Variants in CDH12 observed in about 807,000 individuals in gnomAD.
The protein encoded by CDH12 is cadherin-12.
CDH12 carries 41 observed loss-of-function variants against 74.1 expected under a neutral mutation model. The ratio of observed to expected loss-of-function variants is 0.55; its 90% CI spans 0.43 to 0.72. CDH12 has a LOEUF of 0.72. Among genes scored for constraint, CDH12 ranks in the 30% least tolerant of loss-of-function variants. The pLI is 0.00. For synonymous variants in CDH12, 399 were observed against 355.0 expected (o/e 1.12, Z -1.39); for missense variants, 945 against 977.2 (o/e 0.97, Z 0.44).
chr5:22,315,005 G>C (rs1738560461), intron 3 of CDH12, among the ~76,000 whole-genome samples: 1 of 114,756 alleles, frequency 8.7e-6, no homozygotes, highest in Non-Finnish European at 1.7e-5. Context: ...CCAGGCTGGA[G>C]TGCAGTGGCG....
At chr5:22,465,596 C>G (rs112358907) in intron 2 of CDH12, among the ~76,000 whole-genome samples, 1 of 152,084 alleles carries the variant, frequency 6.6e-6, no homozygotes, top group African/African-American at 2.4e-5. Context: ...CAGTGAGCCA[C>G]GATCATGCCA....
intron 2 of CDH12, among the ~76,000 whole-genome samples, chr5:22,437,708 T>C (rs1331992382): frequency 1.3e-5 from 2 of 151,696 alleles, no homozygotes; most frequent in Non-Finnish European, 2.9e-5. Flanking sequence ...TGCTAAGGAC[T>C]CTCACAATCA....
intron 12 of CDH12, among the ~76,000 whole-genome samples, chr5:21,762,719 T>C (rs1193753292): frequency 2.6e-5 from 4 of 152,122 alleles, no homozygotes; most frequent in African/African-American, 9.7e-5. Context: ...CTAATTTCCT[T>C]TTCTCAACTC....
intron 4 of CDH12, among the ~76,000 whole-genome samples, chr5:22,209,389 A>G (rs1052944011): frequency 3.3e-5 from 5 of 152,344 alleles, no homozygotes; most frequent in South Asian, 4.1e-4. Context: ...CCAACATTCA[A>G]TTCCAACAGT....
intron 6 of CDH12, among the ~76,000 whole-genome samples, chr5:21,887,856 T>C (rs1212707953): frequency 6.6e-6 from 1 of 152,058 alleles, no homozygotes. Flanking sequence ...GGAATTCAAA[T>C]ACTTTTGAGC....
At chr5:22,247,071 A>G (rs1752971748) in intron 3 of CDH12, among the ~76,000 whole-genome samples, 1 of 152,200 alleles carries the variant, frequency 6.6e-6, no homozygotes, top group South Asian at 2.1e-4. Flanking sequence ...TGGATTACTC[A>G]CACTTAGGTA....
At position 21,879,135 on chromosome 5, in the gene CDH12, T is replaced by C. The variant is rs144328820; in HGVS notation, c.527-24345A>G. ...CAAGAGTGGCTGGTATGATTTGCAT[T>C]TGAAGGAGTTACAGTATAGTAATCA... On this transcript the variant is annotated intron_variant, in intron 6 of 14. Coordinates refer to ENST00000382254, the MANE Select transcript of CDH12 (RefSeq NM_004061.5). 1.3e-4 allele frequency among the ~76,000 whole-genome samples: 20 copies of C among 152,324 alleles called. No homozygotes were observed. The East Asian group carries it at 3.9e-3, about 29-fold the overall frequency.
chr5:22,605,554 C>A (rs2126818546), intron 1 of CDH12, among the ~76,000 whole-genome samples: 1 of 152,308 alleles, frequency 6.6e-6, no homozygotes, highest in Admixed American at 6.5e-5. Context: ...GAAGGTTGGG[C>A]TAATCCCAAG....
chr5:22,197,906 G>C (rs1750713802), intron 4 of CDH12, among the ~76,000 whole-genome samples: 1 of 151,968 alleles, frequency 6.6e-6, no homozygotes, highest in Admixed American at 6.6e-5. Flanking sequence ...TCTTATGTAT[G>C]AGTGTGAAAT....
At chr5:22,270,318 G>A (rs1736337100) in intron 3 of CDH12, among the ~76,000 whole-genome samples, 1 of 152,038 alleles carries the variant, frequency 6.6e-6, no homozygotes, top group Non-Finnish European at 1.5e-5. Flanking sequence ...TATTTTGGCT[G>A]GACACAGTGG....
At chr5:21,949,360 G>A (rs1755725905) in intron 6 of CDH12, among the ~76,000 whole-genome samples, 1 of 150,230 alleles carries the variant, frequency 6.7e-6, no homozygotes, top group Admixed American at 6.7e-5. Flanking sequence ...TGAGGCAGGA[G>A]AATGGCGTGA....
intron 4 of CDH12, among the ~76,000 whole-genome samples, chr5:22,145,044 G>A (rs563960680): frequency 6.6e-6 from 1 of 152,132 alleles, no homozygotes; most frequent in South Asian, 2.1e-4. Flanking sequence ...TCATTATTTT[G>A]CAGAAGAAGA....
chr5:22,362,685 T>C (rs919912871), intron 3 of CDH12, among the ~76,000 whole-genome samples: 2 of 151,956 alleles, frequency 1.3e-5, no homozygotes, highest in Non-Finnish European at 2.9e-5. Context: ...CCAACCCAAA[T>C]GTCCATCAAT....
At chr5:22,520,007 G>A (rs1736981794) in intron 1 of CDH12, among the ~76,000 whole-genome samples, 1 of 151,846 alleles carries the variant, frequency 6.6e-6, no homozygotes, top group Non-Finnish European at 1.5e-5. Flanking sequence ...ATGTTTCTCT[G>A]TTAAAATTTA....
At chr5:22,338,439 G>C (rs1014463788) in intron 3 of CDH12, among the ~76,000 whole-genome samples, 32 of 152,020 alleles carry the variant, frequency 2.1e-4, no homozygotes, top group Admixed American at 1.6e-3. Context: ...GGTACTGAGA[G>C]GGTGGTGGGA....
intron 3 of CDH12, among the ~76,000 whole-genome samples, chr5:22,262,995 AAAAC>A (rs1395374890): frequency 6.6e-6 from 1 of 151,784 alleles, no homozygotes; most frequent in Non-Finnish European, 1.5e-5. Context: ...TTACAAGAAA[AAAAC>A]AAACAACCCC....
chr5:22,398,343 A>G (rs1326186413), intron 3 of CDH12, among the ~76,000 whole-genome samples: 1 of 152,124 alleles, frequency 6.6e-6, no homozygotes, highest in Non-Finnish European at 1.5e-5. Context: ...TGGAAGCCCC[A>G]CTGGGTAAAA....
intron 7 of CDH12, among the ~76,000 whole-genome samples, chr5:21,847,688 C>T (rs1414586136): frequency 1.3e-5 from 2 of 152,064 alleles, no homozygotes; most frequent in Non-Finnish European, 2.9e-5. Context: ...GTGATTAGAA[C>T]CTTAATTCTT....
intron 1 of CDH12, among the ~76,000 whole-genome samples, chr5:22,662,100 G>A (rs1399662471): frequency 1.2e-4 from 19 of 152,042 alleles, no homozygotes; most frequent in Non-Finnish European, 4.4e-5. Context: ...TAGAGAACTC[G>A]CAGTGAGGAT....
Sources: allele counts gnomAD v4.1 joint callset (sites outside exome capture counted in the v4.1 genomes callset), GRCh38; gene constraint gnomAD v4.1.1; transcripts MANE v1.5; gene names NCBI Gene and HGNC (gene_info 2026-07-23, HGNC 2026-07-21).